The following SUSD1 variants were observed in gnomAD, a reference collection of about 807,000 sequenced individuals.
The protein encoded by SUSD1 is sushi domain containing 1.
In SUSD1, 65 loss-of-function variants were observed where a neutral mutation model predicts 86.9. That is an observed-to-expected ratio of 0.75 (90% CI 0.61 to 0.92). The LOEUF (loss-of-function observed/expected upper bound fraction) is 0.92. Ranked by LOEUF, SUSD1 falls within the 40% of genes least tolerant of loss-of-function variation. The pLI is 0.00. For missense variants in SUSD1, 850 were observed against 929.7 expected, an observed-to-expected ratio of 0.91 and a Z score of 1.11; for synonymous variants, 346 against 350.0, an observed-to-expected ratio of 0.99 and a Z score of 0.13.
rs139117191 is a variant in SUSD1, at chr9:112,142,339, G to C, written c.687C>G (p.Ser229=). The part of the protein sequence containing the change: ...SSCTGLGTWE[S]PKLHCQEINC... ...ACTCACCTTGGCAATGTAATTTTGG[G>C]GACTCCCATGTGCCCAGGCCTGTGC... Residue 229 remains serine, a synonymous_variant, in exon 5 of 17, where the codon TCC becomes TCG. Coordinates refer to ENST00000374270, the MANE Select transcript of SUSD1 (RefSeq NM_022486.5). The C allele has an allele frequency of 6.3e-7, 1 of 1,579,566 alleles. No individual in the cohort carries two copies. The highest frequency in any genetic ancestry group is 1.4e-5 in the African/African-American group (1 of 73,296).
At chr9:112,097,611 C>T (rs966387274) in intron 10 of SUSD1, among the ~76,000 whole-genome samples, 1 of 151,906 alleles carries the variant, frequency 6.6e-6, no homozygotes, top group African/African-American at 2.4e-5. Flanking sequence ...GTTAGCCAGG[C>T]TAGTCTCGAA....
chr9:112,076,741 G>T (rs10981250), intron 12 of SUSD1, among the ~76,000 whole-genome samples: 16,987 of 152,180 alleles, frequency 0.11, 1,025 homozygotes, highest in East Asian at 0.22. Context: ...AAAGGAGGCT[G>T]AAGAGGGGTC....
intron 1 of SUSD1, among the ~76,000 whole-genome samples, chr9:112,166,029 T>C (rs771043561): frequency 3.3e-5 from 5 of 150,062 alleles, no homozygotes; most frequent in Non-Finnish European, 7.4e-5. Context: ...GCAAAGACAG[T>C]AGCTGGCATG....
intron 2 of SUSD1, among the ~76,000 whole-genome samples, chr9:112,155,974 G>GAGAGAGAAAGAAAGAA (rs1039703538): frequency 2.9e-4 from 44 of 150,254 alleles, no homozygotes; most frequent in African/African-American, 9.5e-4. Flanking sequence ...AGAAGGAAAG[G>GAGAGAGAAAGAAAGAA]AGAGAGAAAG....
In SUSD1 at chr9:112,058,423, G is replaced by A. The variant is rs1828548034; in HGVS notation, c.2109+5C>T. ...GAGTTCACAAGAGCTTGGAAAGAAA[G>A]ATACCTTATTCCATTCACTTGTGAT... On this transcript the variant is annotated splice_donor_5th_base_variant and intron_variant, in intron 14 of 16. Transcript: ENST00000374270. The A allele has an allele frequency of 6.2e-7, 1 of 1,611,234 alleles. No individual in the cohort carries two copies. The highest frequency in any genetic ancestry group is 8.5e-7 in the Non-Finnish European group (1 of 1,178,194).
rs143772279 is a variant in SUSD1 at position 112,148,546 on chromosome 9, C to T, written c.373+698G>A. ...GAGTGCCACTCACCCCAAGGACCCC[C>T]GACCTGTGGTTACAGGAACCTGCAG... is the stretch of plus-strand genomic sequence containing the variant. On this transcript the variant is annotated intron_variant, in intron 3 of 16. Transcript: ENST00000374270. Among the ~76,000 whole-genome samples the T allele has an allele frequency of 2.0e-3, 301 of 152,204 alleles. 2 individuals are homozygous for T. Among genetic ancestry groups the T allele is most frequent in the African/African-American group, 6.9e-3 (288 of 41,536 alleles).
chr9:112,122,634 T>C (rs1831600602), intron 6 of SUSD1, among the ~76,000 whole-genome samples: 1 of 152,132 alleles, frequency 6.6e-6, no homozygotes, highest in South Asian at 2.1e-4. Context: ...TCTGGATATA[T>C]ATCCAAAAGA....
chr9:112,060,063 G>T (rs1828646897), intron 13 of SUSD1, among the ~76,000 whole-genome samples: 1 of 151,918 alleles, frequency 6.6e-6, no homozygotes, highest in Non-Finnish European at 1.5e-5. Flanking sequence ...AACTCATTAG[G>T]CCATGTAATT....
chr9:112,124,138 G>C (rs1831664377), intron 6 of SUSD1, 119 bp downstream of exon 6: 1 of 971,290 alleles, frequency 1.0e-6, no homozygotes, highest in South Asian at 2.8e-5. Flanking sequence ...GCACAACCAG[G>C]TAAATAGCCG....
Position 112,043,262 on chromosome 9 carries a change from C to G in SUSD1, c.2150-1302G>C, listed in dbSNP as rs565192091. Among the ~76,000 whole-genome samples, 11 of 152,328 alleles carry G rather than the reference C, an allele frequency of 7.2e-5. No individual in the cohort carries two copies. The East Asian group carries it at 2.1e-3, about 29-fold the overall frequency. On this transcript the variant is annotated intron_variant, in intron 15 of 16. Transcript: ENST00000374270. ...CAAATTGCTCCTAGGGCTAACATCA[C>G]TATTGTAAAACCTAAGATCAGTGCT...
intron 6 of SUSD1, among the ~76,000 whole-genome samples, chr9:112,119,127 A>G (rs1831449142): frequency 6.6e-6 from 1 of 152,174 alleles, no homozygotes; most frequent in South Asian, 2.1e-4. Context: ...TGAGTCTCAG[A>G]TTACTTATCT....
At chr9:112,158,035 G>A (rs1310301381) in intron 1 of SUSD1, among the ~76,000 whole-genome samples, 3 of 151,594 alleles carry the variant, frequency 2.0e-5, no homozygotes, top group Admixed American at 6.6e-5. Flanking sequence ...TGTTGCCCAG[G>A]CTGGTCTCGA....
At chr9:112,160,032 GA>G (rs968605944) in intron 1 of SUSD1, among the ~76,000 whole-genome samples, 11 of 122,812 alleles carry the variant, frequency 9.0e-5, no homozygotes, top group East Asian at 2.3e-4. Context: ...CCAAGAAAAA[GA>G]AAAAAAAAAG....
At chr9:112,147,216 T>C (rs1327071301) in intron 3 of SUSD1, among the ~76,000 whole-genome samples, 5 of 152,136 alleles carry the variant, frequency 3.3e-5, no homozygotes, top group Admixed American at 1.3e-4. Flanking sequence ...ATATAAGAAG[T>C]GCATGAAAGG....
intron 10 of SUSD1, among the ~76,000 whole-genome samples, chr9:112,097,225 C>T (rs1467444246): frequency 6.6e-6 from 1 of 151,450 alleles, no homozygotes; most frequent in East Asian, 2.0e-4. Context: ...ACTCAAGAGG[C>T]TGAGGCAGGA....
chr9:112,152,733 T>C (rs1833112361), intron 2 of SUSD1, among the ~76,000 whole-genome samples: 1 of 147,878 alleles, frequency 6.8e-6, no homozygotes, highest in African/African-American at 2.5e-5. Flanking sequence ...GCTTTTTTCT[T>C]CTATTATTTT....
intron 1 of SUSD1, among the ~76,000 whole-genome samples, chr9:112,164,025 AT>A (rs1344960176): frequency 1.3e-5 from 2 of 152,172 alleles, no homozygotes; most frequent in South Asian, 2.1e-4. Context: ...AATAAAAAAA[AT>A]AAAAAAACTT....
rs562682214 is a variant in SUSD1 at position 112,081,067 on chromosome 9, C to A, written c.1475-902G>T. ...TGATACAGTTTAATGTGGAGGTACA[C>A]CCATCCAAGTAGTCAAGAAAGACTA... On this transcript the variant is annotated intron_variant, in intron 10 of 16. Transcript: ENST00000374270. 7.2e-5 allele frequency among the ~76,000 whole-genome samples: 11 copies of A among 152,258 alleles called. No homozygotes were observed. The South Asian group carries it at 2.3e-3, about 32-fold the overall frequency.
chr9:112,089,125 A>T (rs1426579673), intron 10 of SUSD1, among the ~76,000 whole-genome samples: 1 of 152,194 alleles, frequency 6.6e-6, no homozygotes, highest in Non-Finnish European at 1.5e-5. Context: ...ACAAATAAAC[A>T]AACAAACAAA....
Sources: allele counts gnomAD v4.1 joint callset (sites outside exome capture counted in the v4.1 genomes callset), GRCh38; gene constraint gnomAD v4.1.1; transcripts MANE v1.5; gene names NCBI Gene and HGNC (gene_info 2026-07-23, HGNC 2026-07-21).